Variants in DLC1 observed in about 807,000 individuals in gnomAD.
DLC1 encodes the protein rho GTPase-activating protein 7.
In DLC1, 54 loss-of-function variants were observed where a neutral mutation model predicts 140.3. That is an observed-to-expected ratio of 0.38 (90% CI 0.31 to 0.48). DLC1 has a LOEUF of 0.48. Ranked by LOEUF, DLC1 falls within the 20% of genes least tolerant of loss-of-function variation. The probability of loss-of-function intolerance (pLI) is 0.96; values close to 1 mark genes in which losing one functional copy is unlikely to be tolerated. For missense variants in DLC1, 2,536 were observed against 1,907.0 expected (o/e 1.33, Z -6.14); for synonymous variants, 986 against 728.1 (o/e 1.35, Z -5.70).
At chr8:13,574,236 G>A (rs187742337) in intron 1 of DLC1, among the ~76,000 whole-genome samples, 22 of 152,148 alleles carry the variant, frequency 1.4e-4, no homozygotes, top group Admixed American at 3.9e-4. Context: ...GATCCTTCCA[G>A]GAAGTATGCA....
intron 2 of DLC1, among the ~76,000 whole-genome samples, chr8:13,443,743 C>G (rs1798651418): frequency 6.6e-6 from 1 of 151,982 alleles, no homozygotes; most frequent in Non-Finnish European, 1.5e-5. Context: ...AAATAGATTT[C>G]TCTGTTACAA....
intron 1 of DLC1, among the ~76,000 whole-genome samples, chr8:13,566,676 G>A (rs1311163350): frequency 2.0e-5 from 3 of 152,230 alleles, no homozygotes; most frequent in Non-Finnish European, 4.4e-5. Context: ...AGGTTTTCCC[G>A]TTGACTACTC....
intron 2 of DLC1, among the ~76,000 whole-genome samples, chr8:13,431,201 T>A (rs891809139): frequency 5.9e-5 from 9 of 152,138 alleles, no homozygotes; most frequent in African/African-American, 2.2e-4. Context: ...GAATCAAGCA[T>A]TGGCCAGGCA....
chr8:13,514,019 GA>G (rs1399067562), intron 1 of DLC1, among the ~76,000 whole-genome samples: 2 of 151,534 alleles, frequency 1.3e-5, no homozygotes, highest in African/African-American at 4.9e-5. Flanking sequence ...AATAATTCCT[GA>G]AATTTCACGT....
At position 13,090,616 on chromosome 8, in the gene DLC1, G is replaced by C; in HGVS notation, c.3856-146C>G. On this transcript the variant is annotated intron_variant, in intron 14 of 17. Transcript: ENST00000276297. ...CCCGCCGGAGGTGGGCTATCATGCTGACCGCACGTGTTATCACGAGGATAT... is the reference window on the plus strand; with the variant it reads ...CCCGCCGGAGGTGGGCTATCATGCTCACCGCACGTGTTATCACGAGGATAT... 5.0e-6 allele frequency: 4 copies of C among 794,498 alleles called. No individual in the cohort carries two copies. The South Asian group carries it at 7.3e-5, about 14-fold the overall frequency. The allele number at this position is 794,498 out of a possible 1,614,324, so 49.2% of individuals were successfully genotyped here. A position where few individuals can be genotyped will look rare whatever the true frequency, so the allele number is the denominator to read the frequency against.
At position 13,490,652 on chromosome 8, in the gene DLC1, G is replaced by T. The variant is rs1801191943; in HGVS notation, c.1023+8397C>A. Among the ~76,000 whole-genome samples the T allele has an allele frequency of 1.3e-5, 2 of 152,110 alleles. 1 individual carries two copies. The highest frequency in any genetic ancestry group is 4.1e-4 in the South Asian group (2 of 4,830). On this transcript the variant is annotated intron_variant, in intron 2 of 17. Coordinates refer to ENST00000276297, the MANE Select transcript of DLC1 (RefSeq NM_182643.3). The stretch of plus-strand genomic sequence containing the variant: ...TTAAAAGATTAATAAATTGGTCATG[G>T]TTTATAGTAACAGAAATCCATGAGG...
At chr8:13,146,326 T>G (rs775224049) in intron 5 of DLC1, among the ~76,000 whole-genome samples, 2 of 151,880 alleles carry the variant, frequency 1.3e-5, no homozygotes, top group Non-Finnish European at 2.9e-5. Flanking sequence ...AATATCACAC[T>G]GATATTTTGC....
chr8:13,383,852 G>A (rs1563302148), intron 4 of DLC1, among the ~76,000 whole-genome samples: 1 of 152,114 alleles, frequency 6.6e-6, no homozygotes, highest in Non-Finnish European at 1.5e-5. Flanking sequence ...TTGTAGCCCT[G>A]GTAAAACGTT....
Position 13,499,216 on chromosome 8 carries a change from T to C in DLC1, c.856A>G (p.Asn286Asp). The change falls in exon 2 of 18, where the codon AAT becomes GAT. Residue 286 changes from asparagine to aspartate, a missense_variant. Coordinates refer to ENST00000276297, the MANE Select transcript of DLC1 (RefSeq NM_182643.3). ...SCLLQPPSCP[N>D]GMSAENGLEK... is the part of the protein sequence containing the mutation. ...AGGCCATTTTCAGCTGACATTCCAT[T>C]GGGGCAGGAAGGAGGCTGCAGAAGG... is the stretch of plus-strand genomic sequence containing the variant. 6.2e-7 allele frequency: 1 copy of C among 1,614,168 alleles called. No homozygotes were observed. The highest frequency in any genetic ancestry group is 1.3e-5 in the African/African-American group (1 of 75,048).
chr8:13,425,640 T>A (rs1452929248), intron 2 of DLC1, among the ~76,000 whole-genome samples: 1 of 142,842 alleles, frequency 7.0e-6, no homozygotes, highest in African/African-American at 2.6e-5. Flanking sequence ...AAGTATTGAG[T>A]CAATATCATT....
In DLC1 at chr8:13,100,186, G is replaced by A. The variant is rs1333816600; in HGVS notation, c.2151C>T (p.Ser717=). The change falls in exon 9 of 18, where the codon TCC becomes TCT. Residue 717 remains serine, a synonymous_variant. Transcript: ENST00000276297. ...KLKQLNCVEI[S]ALNGNRINVP... ...CGTTGATGCGGTTGCCATTGAGGGC[G>A]GAGATCTCCACGCAGTTGAGCTGCT... is the stretch of plus-strand genomic sequence containing the variant. 12 of 1,612,308 alleles carry A rather than the reference G, an allele frequency of 7.4e-6. No individual in the cohort carries two copies. Among genetic ancestry groups the A allele is most frequent in the Non-Finnish European group, 9.3e-6 (11 of 1,179,370 alleles).
chr8:13,546,626 C>G (rs1341301067), intron 1 of DLC1, among the ~76,000 whole-genome samples: 1 of 152,068 alleles, frequency 6.6e-6, no homozygotes, highest in Non-Finnish European at 1.5e-5. Flanking sequence ...AAGGAAAAAC[C>G]AGGGCCCTCT....
intron 5 of DLC1, among the ~76,000 whole-genome samples, chr8:13,226,730 A>T (rs1828809331): frequency 6.6e-6 from 1 of 152,170 alleles, no homozygotes; most frequent in Non-Finnish European, 1.5e-5. Context: ...CTTTCTCTGT[A>T]TAGGAATTAG....
Position 13,396,062 on chromosome 8 carries a change from C to CTT in DLC1, c.1174-2371_1174-2370dup, listed in dbSNP as rs33927089. ...TATTTTGCATTAATTTCTTTTCTTT[C>CTT]TTTTTTTTTTTTTTTGAGACGGAGT... On this transcript the variant is annotated intron_variant, in intron 3 of 17. Coordinates refer to ENST00000276297, the MANE Select transcript of DLC1 (RefSeq NM_182643.3). Among the ~76,000 whole-genome samples the CTT allele has an allele frequency of 3.6e-4, 49 of 135,498 alleles. 2 individuals are homozygous for CTT. The South Asian group carries it at 4.1e-3, about 11-fold the overall frequency. 88.9% of individuals were successfully genotyped at this position (135,498 alleles called of 152,430 possible). A position where few individuals can be genotyped will look rare whatever the true frequency, so the allele number is the denominator to read the frequency against.
rs1409428152 is a variant in DLC1, at chr8:13,305,007, G to GA, written c.1348+261dup. On this transcript the variant is annotated intron_variant, in intron 5 of 17. Transcript: ENST00000276297. ...ATCAACATTTAATTCTTTTGCTTAA[G>GA]AAAAAAAAATTGTGGTTGCAGTTAC... 605 of 1,089,554 alleles carry GA rather than the reference G, an allele frequency of 5.6e-4. 1 individual carries two copies. The highest frequency in any genetic ancestry group is 3.0e-3 in the East Asian group (55 of 18,320). 67.5% of individuals were successfully genotyped at this position (1,089,554 alleles called of 1,614,324 possible).
intron 7 of DLC1, among the ~76,000 whole-genome samples, chr8:13,106,969 T>A (rs550244526): frequency 6.6e-6 from 1 of 152,332 alleles, no homozygotes; most frequent in South Asian, 2.1e-4. Context: ...GTGCACATGC[T>A]TCAAGACAAA....
At chr8:13,574,392 A>G (rs1200987158) in intron 1 of DLC1, among the ~76,000 whole-genome samples, 1 of 152,164 alleles carries the variant, frequency 6.6e-6, no homozygotes, top group African/African-American at 2.4e-5. Context: ...GCTCAAACTT[A>G]ATATATGTTT....
chr8:13,450,564 G>A (rs1381727050), intron 2 of DLC1, among the ~76,000 whole-genome samples: 1 of 150,000 alleles, frequency 6.7e-6, no homozygotes, highest in Non-Finnish European at 1.5e-5. Flanking sequence ...ATTTGAATTT[G>A]AAAACTATAT....
chr8:13,339,282 A>G (rs993570606), intron 4 of DLC1, among the ~76,000 whole-genome samples: 5 of 152,216 alleles, frequency 3.3e-5, no homozygotes, highest in South Asian at 4.1e-4. Flanking sequence ...ACAAGGCACA[A>G]TATGTGATTT....
Sources: gnomAD v4.1 joint callset for allele counts (sites outside exome capture counted in the v4.1 genomes callset) on GRCh38, gnomAD v4.1.1 for gene constraint, MANE v1.5 for transcripts, NCBI Gene and HGNC (gene_info 2026-07-23, HGNC 2026-07-21) for gene names.